The following DNAH2 variants were observed in gnomAD, a reference collection of about 807,000 sequenced individuals.
DNAH2 encodes the protein dynein axonemal heavy chain 2.
Under a neutral mutation model 523.5 loss-of-function variants are expected in DNAH2, and 323 were observed. The ratio of observed to expected loss-of-function variants is 0.62; its 90% confidence interval spans 0.56 to 0.68. DNAH2 has a LOEUF of 0.68. Among genes scored for constraint, DNAH2 ranks in the 30% least tolerant of loss-of-function variants. The pLI, the probability that DNAH2 is intolerant of heterozygous loss-of-function variation, is 0.00. For missense variants in DNAH2, 4,907 were observed against 5,701.5 expected (o/e 0.86, Z 4.49); for synonymous variants, 2,093 against 2,177.4 (o/e 0.96, Z 1.08).
chr17:7,727,993 A>G (rs899891970), intron 4 of DNAH2, among the ~76,000 whole-genome samples: 1 of 152,024 alleles, frequency 6.6e-6, no homozygotes, highest in Non-Finnish European at 1.5e-5. Context: ...AGCAAAGACC[A>G]CTCTACGTAC....
At position 7,765,396 on chromosome 17, in the gene DNAH2, G is replaced by A. The variant is rs144171780; in HGVS notation, c.3342G>A (p.Leu1114=). 2.9e-5 allele frequency: 47 copies of A among 1,612,878 alleles called. No homozygotes were observed. The highest frequency in any genetic ancestry group is 5.0e-5 in the Admixed American group (3 of 59,914). Residue 1114 remains leucine (L), a synonymous_variant, in exon 21 of 86, where the codon CTG becomes CTA. Transcript: ENST00000572933. ...CCACTCTCTGACTCCCCCAGGTCCTGGAGATGCTGGACAGTCTCAACGGGG... is the reference window on the plus strand; with the variant it reads ...CCACTCTCTGACTCCCCCAGGTCCTAGAGATGCTGGACAGTCTCAACGGGG... ...KYEVPVEDSV[L]EMLDSLNGEW...
At position 7,821,279 on chromosome 17, in the gene DNAH2, A is replaced by G. The variant is rs762718677; in HGVS notation, c.11052A>G (p.Leu3684=). Residue 3684 remains leucine, a synonymous_variant, in exon 73 of 86, where the codon CTA becomes CTG. Transcript: ENST00000572933. This position sits in a 1 kb window ranked among gnomAD's most constrained non-coding sequence, Gnocchi z 5.0. ...GTACCCTTTTCGAACGCCACAAACT[A>G]CTATTCAGTTTTCATATGTGTGCCA... is the stretch of plus-strand genomic sequence containing the variant. ...TCRTLFERHK[L]LFSFHMCAKI... 9.9e-6 allele frequency: 16 copies of G among 1,613,714 alleles called. No individual in the cohort carries two copies. The highest frequency in any genetic ancestry group is 1.7e-5 in the Admixed American group (1 of 59,984).
chr17:7,831,151 T>G lies in DNAH2; in HGVS notation c.12296T>G (p.Ile4099Ser). The change falls in exon 80 of 86, where the codon ATC (isoleucine) becomes AGC (serine). Residue 4099 changes from isoleucine to serine, a missense_variant. Ile to Ser is a moderately radical substitution (Grantham distance 142). Coordinates refer to ENST00000572933, the MANE Select transcript of DNAH2 (RefSeq NM_020877.5). This position sits in a 1 kb window ranked among gnomAD's most constrained non-coding sequence, Gnocchi z 4.2. ...DGSLASYKEYISLLPGMDPPE... is the reference protein window; with the variant it reads ...DGSLASYKEYSSLLPGMDPPE... Reference sequence around the variant, plus strand: ...AGCCTCGCTTCTTACAAGGAATACATCAGCTTATTGCCTGGCATGGACCCC... The same window carrying G: ...AGCCTCGCTTCTTACAAGGAATACAGCAGCTTATTGCCTGGCATGGACCCC... 1.2e-6 allele frequency: 2 copies of G among 1,614,118 alleles called. No homozygotes were observed. Among genetic ancestry groups the G allele is most frequent in the Non-Finnish European group, 8.5e-7 (1 of 1,180,024 alleles).
intron 14 of DNAH2, 75 bp downstream of exon 14, chr17:7,758,726 T>C: frequency 6.4e-7 from 1 of 1,565,422 alleles, no homozygotes; most frequent in Non-Finnish European, 8.6e-7. Flanking sequence ...GCATAGAGAT[T>C]GGGAAACCTG....
chr17:7,741,229 TC>T (rs2075306269), intron 11 of DNAH2, among the ~76,000 whole-genome samples: 1 of 129,288 alleles, frequency 7.7e-6, no homozygotes, highest in African/African-American at 3.0e-5. Context: ...TTCTTTTTTT[TC>T]TCTCTCTCTT....
In DNAH2 at chr17:7,734,643, T is replaced by G. The variant is rs1456224436; in HGVS notation, c.913T>G (p.Ser305Ala). ...LVKKGVKHVE[S>A]ILHLAKSSYL... ...GAAGAAGGGAGTGAAGCACGTTGAA[T>G]CCATCCTGCACCTTGCCAAGTCGTC... Residue 305 changes from serine (S) to alanine (A), a missense_variant, in exon 7 of 86, where the codon TCC becomes GCC. Ser to Ala is a moderately conservative substitution (Grantham distance 99). This residue lies in a region of DNAH2 where 2,806 missense variants were observed against 3,190.8 expected (regional missense o/e 0.88). Coordinates refer to ENST00000572933, the MANE Select transcript of DNAH2 (RefSeq NM_020877.5). 6.2e-7 allele frequency: 1 copy of G among 1,613,072 alleles called. No homozygotes were observed. Among genetic ancestry groups the G allele is most frequent in the African/African-American group, 1.3e-5 (1 of 74,686 alleles).
chr17:7,787,166 G>A, intron 42 of DNAH2, 133 bp downstream of exon 42: 1 of 1,162,846 alleles, frequency 8.6e-7, no homozygotes, highest in Non-Finnish European at 1.2e-6. Flanking sequence ...GTGGATGCCT[G>A]GATTCAGGGA....
chr17:7,777,745 T>G, intron 33 of DNAH2, 111 bp downstream of exon 33: 2 of 1,340,960 alleles, frequency 1.5e-6, no homozygotes, highest in Non-Finnish European at 2.1e-6. Context: ...CTTAGTCCTG[T>G]CCCACTACCC....
intron 39 of DNAH2, 134 bp from the exon 40 acceptor site, chr17:7,785,990 G>A: frequency 1.2e-6 from 1 of 857,966 alleles, no homozygotes; most frequent in South Asian, 1.7e-5. Flanking sequence ...TGAGTGAACA[G>A]AGCCGGAGTG....
At chr17:7,779,585 C>T (rs778353700) in intron 36 of DNAH2, among the ~76,000 whole-genome samples, 162 bp downstream of exon 36, 7 of 152,132 alleles carry the variant, frequency 4.6e-5, no homozygotes, top group Non-Finnish European at 8.8e-5. Flanking sequence ...CACAACTTTC[C>T]GGGAGAAGGG....
chr17:7,832,666 C>T lies in DNAH2; in HGVS notation c.12814C>T (p.Arg4272Trp), dbSNP rs145079158. The change falls in exon 83 of 86, where the codon CGG becomes TGG. Residue 4272 changes from arginine (R) to tryptophan (W), a missense_variant. Arg to Trp is a moderately radical substitution (Grantham distance 101). Transcript: ENST00000572933. This position sits in a 1 kb window ranked among gnomAD's most constrained non-coding sequence, Gnocchi z 4.3. ...EQFELWASRA[R>W]PPVIFWLSGF... ...GTTTGAGCTGTGGGCCAGCCGGGCC[C>T]GGCCTCCTGTGATCTTCTGGTTGTC... 11 of 1,614,068 alleles carry T rather than the reference C, an allele frequency of 6.8e-6. No homozygotes were observed. The highest frequency in any genetic ancestry group is 6.7e-5 in the African/African-American group (5 of 74,936).
At position 7,830,374 on chromosome 17, in the gene DNAH2, CAA is replaced by C; in HGVS notation, c.11930_11931del (p.Lys3977IlefsTer2). On this transcript the variant is annotated frameshift_variant, in exon 78 of 86. Coordinates refer to ENST00000572933, the MANE Select transcript of DNAH2 (RefSeq NM_020877.5). LOFTEE classifies it high-confidence loss of function. ...AGTTTTCCCGCTGCTCCAAACCTGC[CAA>C]ATATAAGAAGCTGCTGTTTTCACTC... ...PQFSRCSKPA[K>X]YKKLLFSLCF... 6.2e-7 allele frequency: 1 copy of C among 1,614,226 alleles called. No homozygotes were observed. Among genetic ancestry groups the C allele is most frequent in the Non-Finnish European group, 8.5e-7 (1 of 1,180,042 alleles).
At chr17:7,814,600 G>A (rs1449191267) in intron 63 of DNAH2, among the ~76,000 whole-genome samples, 7 of 152,232 alleles carry the variant, frequency 4.6e-5, no homozygotes, top group Admixed American at 3.3e-4. Flanking sequence ...ATGGTTGGGC[G>A]TGGTGGCTCA....
intron 85 of DNAH2, 23 bp downstream of exon 85, chr17:7,833,244 AC>A (rs774518203): frequency 6.2e-7 from 1 of 1,606,490 alleles, no homozygotes; most frequent in Non-Finnish European, 8.5e-7. Flanking sequence ...CCCAGGCAGG[AC>A]CTGCCTGCCC....
intron 4 of DNAH2, among the ~76,000 whole-genome samples, chr17:7,729,399 A>AAGAG (rs955529566): frequency 2.7e-5 from 4 of 150,862 alleles, no homozygotes; most frequent in African/African-American, 7.3e-5. Flanking sequence ...AAAAAAAAAA[A>AAGAG]AGAGAGAGAG....
At chr17:7,818,602 A>G in intron 69 of DNAH2, 41 bp from the exon 70 acceptor site, 1 of 1,610,958 alleles carries the variant, frequency 6.2e-7, no homozygotes. Context: ...GTGAAGGTCG[A>G]AGGAGTGACA....
chr17:7,797,077 T>C (rs1021784806), intron 50 of DNAH2, 99 bp from the exon 51 acceptor site: 2 of 1,125,072 alleles, frequency 1.8e-6, no homozygotes, highest in Admixed American at 2.1e-5. Flanking sequence ...AGTCCAGCCT[T>C]GGAGACAGAG....
rs1597543184 is a variant in DNAH2 at position 7,754,621 on chromosome 17, A to G, written c.1905-2470A>G. On this transcript the variant is annotated intron_variant, in intron 12 of 85. Transcript: ENST00000572933. This position sits in a 1 kb window ranked among gnomAD's most constrained non-coding sequence, Gnocchi z 4.6. ...GCTCTCAAGGCCCTCGTAAAGCCCA[A>G]GGAGGTTAAGCCCAAGATCCCAAAG... The G allele has an allele frequency of 1.0e-5, 15 of 1,505,454 alleles. No homozygotes were observed. Among genetic ancestry groups the G allele is most frequent in the East Asian group, 6.8e-5 (3 of 44,290 alleles). 93.3% of individuals were successfully genotyped at this position (1,505,454 alleles called of 1,614,324 possible). A position where few individuals can be genotyped will look rare whatever the true frequency, so the allele number is the denominator to read the frequency against.
chr17:7,793,452 T>TTTCTTTCTTTCC lies in DNAH2; in HGVS notation c.7569+258_7569+259insCTTCTTTCTTTC, dbSNP rs1334234316. On this transcript the variant is annotated intron_variant, in intron 48 of 85. Coordinates refer to ENST00000572933, the MANE Select transcript of DNAH2 (RefSeq NM_020877.5). ...CTTGCTTTTTCTTTCTTTCTTTTTC[T>TTTCTTTCTTTCC]TTCTTTCTTTCTTTCTTTCTTTCTT... 1.8e-4 allele frequency among the ~76,000 whole-genome samples: 18 copies of TTTCTTTCTTTCC among 99,768 alleles called. No homozygotes were observed. In the East Asian group the frequency reaches 4.2e-3, roughly 23 times the overall value. The allele number at this position is 99,768 out of a possible 152,430, so 65.5% of individuals were successfully genotyped here.
Sources: gnomAD v4.1 joint callset for allele counts (sites outside exome capture counted in the v4.1 genomes callset) on GRCh38, gnomAD v4.1.1 for gene constraint, gnomAD v4.1.1 regional missense constraint, Gnocchi (gnomAD v3.1) non-coding constraint, MANE v1.5 for transcripts, NCBI Gene and HGNC (gene_info 2026-07-23, HGNC 2026-07-21) for gene names.